The following ACACA variants were observed in gnomAD, a reference collection of about 807,000 sequenced individuals.
ACACA encodes acetyl-CoA carboxylase 1.
ACACA carries 103 observed loss-of-function variants against 296.1 expected under a neutral mutation model. That is an observed-to-expected ratio of 0.35 (90% confidence interval 0.30 to 0.41). The LOEUF (loss-of-function observed/expected upper bound fraction) is 0.41. ACACA is among the 10% of genes least tolerant of loss of function. ACACA has a pLI of 1.00. For synonymous variants in ACACA, 953 were observed against 1,038.6 expected (o/e 0.92, Z 1.58); for missense variants, 1,554 against 2,989.7 (o/e 0.52, Z 11.20).
intron 1 of ACACA, among the ~76,000 whole-genome samples, chr17:37,352,302 T>C (rs1304397156): frequency 6.6e-6 from 1 of 152,154 alleles, no homozygotes; most frequent in African/African-American, 2.4e-5. Context: ...TCAAACATTA[T>C]CCTCTAGAAA....
intron 41 of ACACA, among the ~76,000 whole-genome samples, chr17:37,177,213 C>G (rs1232460854): frequency 1.3e-5 from 2 of 151,154 alleles, no homozygotes; most frequent in Non-Finnish European, 2.9e-5. Flanking sequence ...ATCTTTTCCA[C>G]TAAGGTTTGT....
chr17:37,390,251 TA>T (rs2050766918), intron 1 of ACACA, among the ~76,000 whole-genome samples: 2 of 32,952 alleles, frequency 6.1e-5, no homozygotes, highest in South Asian at 2.0e-3. Flanking sequence ...ATTATATATA[TA>T]TTATATATAA....
chr17:37,237,215 C>T (rs773779751), intron 24 of ACACA, among the ~76,000 whole-genome samples: 54 of 152,140 alleles, frequency 3.5e-4, no homozygotes, highest in Non-Finnish European at 6.6e-4. Context: ...TTCACTGCTG[C>T]ATAGTAATCC....
At position 37,103,722 on chromosome 17, in the gene ACACA, AACACACAC is replaced by A. The variant is rs3049593; in HGVS notation, c.6566-5746_6566-5739del. On this transcript the variant is annotated intron_variant, in intron 52 of 55. Transcript: ENST00000616317. ...AAGACCCTGTCTCTACAAACACACA[AACACACAC>A]ACACACACACACACACACACAAAAT... Among the ~76,000 whole-genome samples the A allele has an allele frequency of 6.8e-3, 1,018 of 148,788 alleles. 7 individuals are homozygous for A. The highest frequency in any genetic ancestry group is 0.042 in the Middle Eastern group (12 of 288).
At chr17:37,305,848 G>A (rs1335781745) in intron 3 of ACACA, among the ~76,000 whole-genome samples, 1 of 149,624 alleles carries the variant, frequency 6.7e-6, no homozygotes, top group Non-Finnish European at 1.5e-5. Context: ...AACAATCCCA[G>A]ACAAGAATAC....
chr17:37,161,814 A>G lies in ACACA; in HGVS notation c.5316T>C (p.His1772=), dbSNP rs1409169146. ...GLAEEIRHMF[H]VAWVDPEDPY... The stretch of plus-strand genomic sequence containing the variant: ...GATCCTCAGGATCTACCCAGGCCAC[A>G]TGAAACATATGGCGAATTTCTTCTG... The change falls in exon 42 of 56, where the codon CAT becomes CAC. Residue 1772 remains histidine, a synonymous_variant. Transcript: ENST00000616317. 3.1e-6 allele frequency: 5 copies of G among 1,613,470 alleles called. No individual in the cohort carries two copies. The highest frequency in any genetic ancestry group is 3.4e-6 in the Non-Finnish European group (4 of 1,180,000).
At chr17:37,135,986 A>T (rs1446284146) in intron 45 of ACACA, among the ~76,000 whole-genome samples, 1 of 151,308 alleles carries the variant, frequency 6.6e-6, no homozygotes, top group Non-Finnish European at 1.5e-5. Flanking sequence ...GCCTCAAGCA[A>T]TCCTCTCGCC....
intron 43 of ACACA, among the ~76,000 whole-genome samples, chr17:37,154,881 A>G (rs1480099801): frequency 6.6e-6 from 1 of 152,244 alleles, no homozygotes; most frequent in Non-Finnish European, 1.5e-5. Flanking sequence ...ACAAGTTAAA[A>G]TAACAATTGC....
chr17:37,231,490 C>A (rs2079858147), intron 25 of ACACA, among the ~76,000 whole-genome samples: 1 of 152,200 alleles, frequency 6.6e-6, no homozygotes, highest in Non-Finnish European at 1.5e-5. Flanking sequence ...CACCCTTATT[C>A]AGTGAATGTG....
At chr17:37,148,367 T>C (rs2075901727) in intron 45 of ACACA, among the ~76,000 whole-genome samples, 1 of 152,212 alleles carries the variant, frequency 6.6e-6, no homozygotes, top group Non-Finnish European at 1.5e-5. Context: ...AGTTCGCCAC[T>C]GTTAGCACTG....
At chr17:37,296,902 A>G (rs1277173511) in intron 3 of ACACA, among the ~76,000 whole-genome samples, 1 of 150,400 alleles carries the variant, frequency 6.6e-6, no homozygotes, top group Admixed American at 6.6e-5. Context: ...TTTTTAGTAG[A>G]GATGGAGTTT....
intron 7 of ACACA, 75 bp downstream of exon 7, chr17:37,276,958 C>A (rs1285814300): frequency 7.8e-7 from 1 of 1,276,258 alleles, no homozygotes; most frequent in Non-Finnish European, 1.1e-6. Flanking sequence ...AACAGAAAAT[C>A]AGACTATAGA....
chr17:37,368,029 T>C (rs573234766), intron 1 of ACACA, among the ~76,000 whole-genome samples: 214 of 152,292 alleles, frequency 1.4e-3, no homozygotes, highest in Non-Finnish European at 2.4e-3. Flanking sequence ...ATCACACCAC[T>C]GCACTCCAGC....
chr17:37,152,356 T>A (rs1298035280), intron 43 of ACACA, among the ~76,000 whole-genome samples: 1 of 152,180 alleles, frequency 6.6e-6, no homozygotes, highest in Non-Finnish European at 1.5e-5. Context: ...ATCAACAATT[T>A]TAGACAATTT....
intron 3 of ACACA, among the ~76,000 whole-genome samples, chr17:37,311,785 T>C (rs1461092984): frequency 6.6e-6 from 1 of 151,362 alleles, no homozygotes; most frequent in Non-Finnish European, 1.5e-5. Flanking sequence ...GGCAGGAGAA[T>C]TGCTTGAATC....
intron 45 of ACACA, among the ~76,000 whole-genome samples, chr17:37,136,398 T>C (rs2075334947): frequency 6.6e-6 from 1 of 152,240 alleles, no homozygotes; most frequent in South Asian, 2.1e-4. Context: ...TTTATTTTTA[T>C]TCCTGAGTAA....
At chr17:37,132,063 G>C (rs891604333) in intron 45 of ACACA, among the ~76,000 whole-genome samples, 2 of 151,996 alleles carry the variant, frequency 1.3e-5, no homozygotes, top group African/African-American at 4.8e-5. Flanking sequence ...CTGATCTCTC[G>C]GTCACTCAGC....
chr17:37,385,541 C>T (rs1597771099), intron 1 of ACACA, among the ~76,000 whole-genome samples: 1 of 152,110 alleles, frequency 6.6e-6, no homozygotes, highest in Non-Finnish European at 1.5e-5. Context: ...TTCCTTCTTC[C>T]AGCTCCTCCT....
chr17:37,285,484 A>G (rs2082724691), intron 3 of ACACA, among the ~76,000 whole-genome samples: 2 of 152,132 alleles, frequency 1.3e-5, no homozygotes, highest in African/African-American at 4.8e-5. Context: ...ATATTTAATC[A>G]GTTTTAAGGT....
Sources: allele counts gnomAD v4.1 joint callset (sites outside exome capture counted in the v4.1 genomes callset), GRCh38; gene constraint gnomAD v4.1.1; transcripts MANE v1.5; gene names NCBI Gene and HGNC (gene_info 2026-07-23, HGNC 2026-07-21).